TENM3: variants seen among roughly 807,000 people sequenced by gnomAD.
TENM3 encodes the protein teneurin transmembrane protein 3.
A neutral mutation model predicts 255.1 loss-of-function variants in TENM3; 63 were observed. The observed-to-expected ratio is 0.25, with a 90% CI of 0.20 to 0.30. The LOEUF (loss-of-function observed/expected upper bound fraction) is 0.30. Ranked by LOEUF, TENM3 falls within the 10% of genes least tolerant of loss-of-function variation. The pLI, the probability that TENM3 is intolerant of heterozygous loss-of-function variation, is 1.00. For missense variants in TENM3, 2,929 were observed against 3,461.1 expected (o/e 0.85, Z 3.86); for synonymous variants, 1,306 against 1,322.3 (o/e 0.99, Z 0.27).
At chr4:182,680,450 C>A in intron 9 of TENM3, 93 bp from the exon 10 acceptor site, 2 of 1,442,586 alleles carry the variant, frequency 1.4e-6, no homozygotes, top group Non-Finnish European at 1.9e-6. Flanking sequence ...GGGGGGGAGA[C>A]TGGCATATTG....
At chr4:182,469,624 G>T (rs2151441826) in intron 3 of TENM3, among the ~76,000 whole-genome samples, 1 of 151,634 alleles carries the variant, frequency 6.6e-6, no homozygotes, top group African/African-American at 2.4e-5. Context: ...TGAGGCAAGA[G>T]AATTGCTTGA....
chr4:182,064,580 C>CA, the TENM3 span, among the ~76,000 whole-genome samples: 13,330 of 140,778 alleles, frequency 0.095, 1,947 homozygotes, highest in African/African-American at 0.31. Context: ...GACTTTGTCT[C>CA]AAAAAAAAAA....
intron 3 of TENM3, among the ~76,000 whole-genome samples, chr4:182,533,974 T>C (rs906374753): frequency 7.2e-5 from 11 of 152,188 alleles, no homozygotes; most frequent in African/African-American, 2.2e-4. Flanking sequence ...CACTTAGTGT[T>C]TACTGAGTTG....
the TENM3 span, among the ~76,000 whole-genome samples, chr4:181,504,782 A>G: frequency 6.6e-6 from 1 of 152,194 alleles, no homozygotes; most frequent in Non-Finnish European, 1.5e-5. Flanking sequence ...TGCTGGGTGT[A>G]TTTTGGACAG....
the TENM3 span, among the ~76,000 whole-genome samples, chr4:181,553,607 A>T: frequency 9.2e-5 from 14 of 151,478 alleles, no homozygotes; most frequent in South Asian, 4.2e-4. Context: ...ACGCCCGGCT[A>T]ATTTTTTGTA....
chr4:182,785,990 C>T (rs1489326999), intron 24 of TENM3, among the ~76,000 whole-genome samples: 1 of 152,164 alleles, frequency 6.6e-6, no homozygotes, highest in East Asian at 1.9e-4. Context: ...TGTCTGGAAA[C>T]AGTAAGAATG....
At chr4:182,425,631 G>T (rs1318929142) in intron 3 of TENM3, among the ~76,000 whole-genome samples, 1 of 152,164 alleles carries the variant, frequency 6.6e-6, no homozygotes, top group Non-Finnish European at 1.5e-5. Context: ...CTGAAACATT[G>T]TGCTTCCATT....
At chr4:182,015,169 A>T in the TENM3 span, among the ~76,000 whole-genome samples, 2 of 152,296 alleles carry the variant, frequency 1.3e-5, no homozygotes, top group African/African-American at 4.8e-5. Flanking sequence ...TCACAGCCTG[A>T]GCGGATGGCA....
the TENM3 span, among the ~76,000 whole-genome samples, chr4:181,984,817 T>C: frequency 6.6e-6 from 1 of 151,468 alleles, no homozygotes; most frequent in Non-Finnish European, 1.5e-5. Context: ...TGTGTGTGTG[T>C]GTGTGTGTGT....
chr4:182,416,988 T>C (rs1311591439), intron 3 of TENM3, among the ~76,000 whole-genome samples: 2 of 152,156 alleles, frequency 1.3e-5, no homozygotes, highest in East Asian at 3.9e-4. Context: ...TGTTGTTTTT[T>C]TCTGAGACCG....
chr4:182,130,750 C>T, the TENM3 span, among the ~76,000 whole-genome samples: 4 of 151,458 alleles, frequency 2.6e-5, no homozygotes, highest in Non-Finnish European at 5.9e-5. Context: ...AAGACAAAGC[C>T]GAACGATTTT....
chr4:182,329,651 A>G (rs750817983), intron 2 of TENM3, among the ~76,000 whole-genome samples: 3 of 152,232 alleles, frequency 2.0e-5, no homozygotes, highest in Non-Finnish European at 4.4e-5. Flanking sequence ...AAAACATTGT[A>G]ACTAAAGCAT....
At chr4:181,717,032 C>G in the TENM3 span, among the ~76,000 whole-genome samples, 1 of 152,082 alleles carries the variant, frequency 6.6e-6, no homozygotes, top group Non-Finnish European at 1.5e-5. Context: ...GATACTGAGT[C>G]TTAGAGCTTT....
chr4:181,649,141 G>C, the TENM3 span, among the ~76,000 whole-genome samples: 1 of 152,182 alleles, frequency 6.6e-6, no homozygotes, highest in Non-Finnish European at 1.5e-5. Context: ...TTCTAGCAGA[G>C]AAGGAATTTT....
the TENM3 span, among the ~76,000 whole-genome samples, chr4:181,453,867 A>G: frequency 1.3e-5 from 2 of 152,144 alleles, no homozygotes; most frequent in African/African-American, 4.8e-5. Flanking sequence ...AACTCACAGG[A>G]GACCCTTTGG....
intron 5 of TENM3, among the ~76,000 whole-genome samples, chr4:182,646,603 G>A (rs1189336890): frequency 6.6e-6 from 1 of 152,098 alleles, no homozygotes; most frequent in Admixed American, 6.6e-5. Context: ...TTAGCTGGAT[G>A]TGGTGGCGGG....
chr4:182,448,257 C>T (rs1380159879), intron 3 of TENM3, among the ~76,000 whole-genome samples: 3 of 152,228 alleles, frequency 2.0e-5, no homozygotes, highest in Admixed American at 6.5e-5. Flanking sequence ...GGCGGAGAGG[C>T]GGTGGCCGAG....
chr4:182,174,533 A>ACACACACAC (rs775310288), intron 1 of TENM3, among the ~76,000 whole-genome samples: 4 of 106,366 alleles, frequency 3.8e-5, no homozygotes, highest in Non-Finnish European at 4.3e-5. Context: ...CACACACACA[A>ACACACACAC]ACACACACTT....
chr4:182,590,304 A>G (rs569493088), intron 3 of TENM3, among the ~76,000 whole-genome samples: 1 of 152,104 alleles, frequency 6.6e-6, no homozygotes, highest in African/African-American at 2.4e-5. Flanking sequence ...GAGTCTCAGT[A>G]ACAGTTGAGA....
Sources: gnomAD v4.1 joint callset for allele counts (sites outside exome capture counted in the v4.1 genomes callset) on GRCh38, gnomAD v4.1.1 for gene constraint, MANE v1.5 for transcripts, NCBI Gene and HGNC (gene_info 2026-07-23, HGNC 2026-07-21) for gene names.